Variants in CADM2 observed in about 807,000 individuals in gnomAD.
The protein encoded by CADM2 is immunoglobulin superfamily member 4D.
In CADM2, 12 loss-of-function variants were observed where a neutral mutation model predicts 49.8. That is an observed-to-expected ratio of 0.24 (90% CI 0.15 to 0.39). The LOEUF (loss-of-function observed/expected upper bound fraction) is 0.39, where lower values mean the gene tolerates loss of function less well. Ranked by LOEUF, CADM2 falls within the 10% of genes least tolerant of loss-of-function variation. The pLI is 1.00. For missense variants in CADM2, 378 were observed against 492.3 expected (o/e 0.77, Z 2.20); for synonymous variants, 214 against 175.4 (o/e 1.22, Z -1.74).
intron 8 of CADM2, among the ~76,000 whole-genome samples, chr3:86,044,148 T>C (rs1311835792): frequency 6.6e-6 from 1 of 152,204 alleles, no homozygotes; most frequent in Non-Finnish European, 1.5e-5. Context: ...GACATAGGCA[T>C]GGGTAACGAC....
chr3:85,511,232 A>T (rs1321003389), intron 1 of CADM2, among the ~76,000 whole-genome samples: 1 of 152,094 alleles, frequency 6.6e-6, no homozygotes, highest in African/African-American at 2.4e-5. Flanking sequence ...TCCACTTGTA[A>T]GGATCATAAA....
At position 85,568,533 on chromosome 3, in the gene CADM2, T is replaced by C. The variant is rs1296034374; in HGVS notation, c.62-157989T>C. On this transcript the variant is annotated intron_variant, in intron 1 of 9. Transcript: ENST00000383699. ...TTTCTTTCCTCCCTCCCTCCCTCTC[T>C]CTTTTCTTTCTTTCTTTCTCTTTCT... Among the ~76,000 whole-genome samples the C allele has an allele frequency of 7.6e-5, 11 of 144,782 alleles. 1 individual carries two copies. The highest frequency in any genetic ancestry group is 2.8e-4 in the African/African-American group (11 of 38,970). The allele number at this position is 144,782 out of a possible 152,430, so 95.0% of individuals were successfully genotyped here.
chr3:85,112,558 C>T (rs1004639376), intron 1 of CADM2, among the ~76,000 whole-genome samples: 13 of 151,978 alleles, frequency 8.6e-5, no homozygotes, highest in Admixed American at 7.9e-4. Flanking sequence ...AGTTGACCTA[C>T]AATTCTTACA....
intron 1 of CADM2, among the ~76,000 whole-genome samples, chr3:85,119,605 C>T (rs1002967518): frequency 2.0e-5 from 3 of 152,024 alleles, no homozygotes; most frequent in Non-Finnish European, 4.4e-5. Flanking sequence ...TGGGCATTTT[C>T]ATGATATTGA....
At chr3:85,048,069 A>T (rs1486184619) in intron 1 of CADM2, among the ~76,000 whole-genome samples, 2 of 152,108 alleles carry the variant, frequency 1.3e-5, no homozygotes, top group Non-Finnish European at 2.9e-5. Flanking sequence ...TAAAGCTCCA[A>T]ATACTTTTTT....
chr3:85,150,429 G>A (rs1001333262), intron 1 of CADM2, among the ~76,000 whole-genome samples: 3 of 152,140 alleles, frequency 2.0e-5, no homozygotes, highest in African/African-American at 7.2e-5. Context: ...CAATAAAACA[G>A]TCATTTACAT....
At chr3:85,872,066 AAG>A (rs2075952333) in intron 3 of CADM2, among the ~76,000 whole-genome samples, 1 of 152,152 alleles carries the variant, frequency 6.6e-6, no homozygotes, top group South Asian at 2.1e-4. Flanking sequence ...AAAGCTCCCT[AAG>A]AGAGAGCCAG....
chr3:85,780,864 A>G (rs1165050539), intron 2 of CADM2, among the ~76,000 whole-genome samples: 1 of 152,100 alleles, frequency 6.6e-6, no homozygotes, highest in East Asian at 1.9e-4. Flanking sequence ...TTTGGGCTTA[A>G]CCTTGTGACT....
chr3:85,918,984 G>C (rs1019729437), intron 6 of CADM2, among the ~76,000 whole-genome samples: 1 of 151,898 alleles, frequency 6.6e-6, no homozygotes, highest in Non-Finnish European at 1.5e-5. Context: ...TTTTCTGTAT[G>C]TATCATTGAC....
At chr3:85,541,284 A>ATG (rs2061532194) in intron 1 of CADM2, among the ~76,000 whole-genome samples, 1 of 151,436 alleles carries the variant, frequency 6.6e-6, no homozygotes, top group South Asian at 2.1e-4. Flanking sequence ...TGTCACATAT[A>ATG]CACACATGCA....
At chr3:85,346,842 G>A (rs557709625) in intron 1 of CADM2, among the ~76,000 whole-genome samples, 4 of 152,096 alleles carry the variant, frequency 2.6e-5, no homozygotes, top group Non-Finnish European at 5.9e-5. Flanking sequence ...TCTTTAGGGA[G>A]AAATTGCTTA....
rs397732524 is a variant in CADM2 at position 85,245,510 on chromosome 3, C to CAA, written c.61+285853_61+285854dup. On this transcript the variant is annotated intron_variant, in intron 1 of 9. Coordinates refer to ENST00000383699, the MANE Select transcript of CADM2 (RefSeq NM_001167675.2). The stretch of plus-strand genomic sequence containing the variant: ...CTGGCGACAGATTGAGGCTCTGTCT[C>CAA]AAAAAAAAAAAAGATAATAATAATT... 1.7e-4 allele frequency among the ~76,000 whole-genome samples: 23 copies of CAA among 135,206 alleles called. 1 individual carries two copies. The highest frequency in any genetic ancestry group is 3.7e-4 in the African/African-American group (14 of 37,484). 88.7% of individuals were successfully genotyped at this position (135,206 alleles called of 152,430 possible). A position where few individuals can be genotyped will look rare whatever the true frequency, so the allele number is the denominator to read the frequency against.
chr3:85,354,549 T>C (rs1429564711), intron 1 of CADM2, among the ~76,000 whole-genome samples: 2 of 150,974 alleles, frequency 1.3e-5, no homozygotes, highest in Admixed American at 1.3e-4. Context: ...GGAAATAAAG[T>C]GTAAATGCAT....
chr3:85,046,550 T>A (rs371754408), intron 1 of CADM2, among the ~76,000 whole-genome samples: 3 of 151,952 alleles, frequency 2.0e-5, no homozygotes, highest in South Asian at 2.1e-4. Flanking sequence ...AGTAGAAAAA[T>A]GCAAATTTGC....
At chr3:85,240,645 A>G (rs1224541427) in intron 1 of CADM2, among the ~76,000 whole-genome samples, 1 of 151,412 alleles carries the variant, frequency 6.6e-6, no homozygotes, top group Admixed American at 6.6e-5. Flanking sequence ...AGACTAAGCA[A>G]TTTCAAAATC....
intron 1 of CADM2, among the ~76,000 whole-genome samples, chr3:85,548,549 G>GAAT (rs3086190): frequency 0.51 from 77,293 of 151,310 alleles, 22,788 homozygotes; most frequent in East Asian, 0.85. Flanking sequence ...TAAATAATCA[G>GAAT]AATAATAAGA....
At chr3:85,536,929 C>T (rs997966370) in intron 1 of CADM2, among the ~76,000 whole-genome samples, 1 of 151,864 alleles carries the variant, frequency 6.6e-6, no homozygotes, top group African/African-American at 2.4e-5. Context: ...TGATTAAAAG[C>T]CAGCAGTCTT....
At chr3:85,763,974 A>G (rs1177130298) in intron 2 of CADM2, among the ~76,000 whole-genome samples, 1 of 152,096 alleles carries the variant, frequency 6.6e-6, no homozygotes, top group East Asian at 1.9e-4. Context: ...GTCTTCTTTC[A>G]TTACACTTTT....
chr3:86,036,193 T>G (rs1735133519), intron 8 of CADM2, among the ~76,000 whole-genome samples: 1 of 152,124 alleles, frequency 6.6e-6, no homozygotes, highest in African/African-American at 2.4e-5. Context: ...ATTAAGTCTA[T>G]GCCCACAGGA....
Sources: allele counts gnomAD v4.1 joint callset (sites outside exome capture counted in the v4.1 genomes callset), GRCh38; gene constraint gnomAD v4.1.1; transcripts MANE v1.5; gene names NCBI Gene and HGNC (gene_info 2026-07-23, HGNC 2026-07-21).